Variants in PLCH1 observed in about 807,000 individuals in gnomAD.
PLCH1 encodes the protein 1-phosphatidylinositol 4,5-bisphosphate phosphodiesterase eta-1.
A neutral mutation model predicts 126.7 loss-of-function variants in PLCH1; 60 were observed. That is an observed-to-expected ratio of 0.47 (90% CI 0.38 to 0.59). The LOEUF (loss-of-function observed/expected upper bound fraction) is 0.59. Among genes scored for constraint, PLCH1 ranks in the 20% least tolerant of loss-of-function variants. The probability of loss-of-function intolerance (pLI) is 0.00; values close to 1 mark genes in which losing one functional copy is unlikely to be tolerated. For missense variants in PLCH1, 1,723 were observed against 2,040.0 expected, an observed-to-expected ratio of 0.84 and a Z score of 2.99; for synonymous variants, 719 against 734.9, an observed-to-expected ratio of 0.98 and a Z score of 0.35.
intron 1 of PLCH1, among the ~76,000 whole-genome samples, chr3:155,710,484 C>T (rs1255611881): frequency 6.6e-6 from 1 of 152,018 alleles, no homozygotes; most frequent in African/African-American, 2.4e-5. Flanking sequence ...TGATTCAAAA[C>T]ATAATTGACA....
At chr3:155,639,758 C>A (rs1044358236) in intron 2 of PLCH1, among the ~76,000 whole-genome samples, 3 of 152,090 alleles carry the variant, frequency 2.0e-5, no homozygotes, top group Non-Finnish European at 4.4e-5. Flanking sequence ...CATTTGTGTC[C>A]CTGACTAAAT....
At chr3:155,739,788 C>T (rs909375878) in intron 1 of PLCH1, among the ~76,000 whole-genome samples, 12 of 152,190 alleles carry the variant, frequency 7.9e-5, no homozygotes, top group Admixed American at 5.9e-4. Context: ...AAGAAACTAA[C>T]CTCTCTGAAC....
intron 13 of PLCH1, among the ~76,000 whole-genome samples, chr3:155,501,793 C>T (rs1175598019): frequency 6.6e-6 from 1 of 152,068 alleles, no homozygotes; most frequent in Non-Finnish European, 1.5e-5. Flanking sequence ...AAAACTCCAT[C>T]TCTAAATAAA....
intron 1 of PLCH1, among the ~76,000 whole-genome samples, chr3:155,735,433 A>G (rs903301470): frequency 1.3e-5 from 2 of 152,184 alleles, no homozygotes; most frequent in Non-Finnish European, 2.9e-5. Context: ...CAGGAGTTCG[A>G]GACCAGCCTG....
chr3:155,615,945 T>C (rs1735747022), intron 2 of PLCH1, among the ~76,000 whole-genome samples: 1 of 152,188 alleles, frequency 6.6e-6, no homozygotes. Context: ...TGGTCTAAAT[T>C]AGACAGGTAA....
intron 18 of PLCH1, among the ~76,000 whole-genome samples, chr3:155,491,389 G>C (rs547874379): frequency 8.5e-4 from 129 of 151,970 alleles, no homozygotes; most frequent in African/African-American, 3.1e-3. Context: ...TCAGCCTCCC[G>C]AGTAGCTGGG....
chr3:155,460,934 G>A (rs1031641728), intron 21 of PLCH1, among the ~76,000 whole-genome samples: 3 of 152,142 alleles, frequency 2.0e-5, no homozygotes, highest in African/African-American at 4.8e-5. Context: ...CTTTTTAAGA[G>A]TATACCAGTC....
chr3:155,741,684 C>CTTTTATTTTTTTTTTATTTTTATTTTTTT, intron 1 of PLCH1, among the ~76,000 whole-genome samples: 24 of 102,864 alleles, frequency 2.3e-4, no homozygotes, highest in East Asian at 5.6e-4. Flanking sequence ...TTTATATCCT[C>CTTTTATTTTTTTTTTATTTTTATTTTTTT]TTTTTTTTTT....
chr3:155,740,090 A>G (rs1749507429), intron 1 of PLCH1, among the ~76,000 whole-genome samples: 1 of 152,222 alleles, frequency 6.6e-6, no homozygotes, highest in Admixed American at 6.5e-5. Flanking sequence ...TGATACACAC[A>G]TGCTTATAAA....
intron 2 of PLCH1, chr3:155,675,928 A>T (rs1577302449): frequency 1.2e-6 from 1 of 813,642 alleles, no homozygotes; most frequent in East Asian, 2.8e-5. Context: ...AACATGAAAT[A>T]AAATAAATGT....
chr3:155,686,930 C>T (rs941292576), intron 2 of PLCH1, among the ~76,000 whole-genome samples: 3 of 152,186 alleles, frequency 2.0e-5, no homozygotes, highest in African/African-American at 7.2e-5. Flanking sequence ...AATGTATACT[C>T]TCCTAAAGGT....
intron 1 of PLCH1, among the ~76,000 whole-genome samples, chr3:155,714,375 G>A (rs917990540): frequency 6.6e-6 from 1 of 152,092 alleles, no homozygotes; most frequent in Non-Finnish European, 1.5e-5. Flanking sequence ...CAGGTCCAGA[G>A]GGCTCCCATG....
At chr3:155,472,478 C>A (rs1390112600) in intron 21 of PLCH1, among the ~76,000 whole-genome samples, 1 of 151,682 alleles carries the variant, frequency 6.6e-6, no homozygotes, top group Non-Finnish European at 1.5e-5. Context: ...GATGGATTCA[C>A]AGCCGAATTC....
At chr3:155,554,303 T>G (rs1726528491) in intron 8 of PLCH1, 107 bp from the exon 9 acceptor site, 4 of 1,053,168 alleles carry the variant, frequency 3.8e-6, no homozygotes, top group Admixed American at 2.3e-5. Context: ...ATTATACCCA[T>G]TTCAATCCTG....
intron 10 of PLCH1, among the ~76,000 whole-genome samples, chr3:155,546,911 C>T (rs368665918): frequency 0.012 from 1,616 of 133,960 alleles, 38 homozygotes; most frequent in African/African-American, 0.04. Context: ...AAGACTTAAA[C>T]GTTAGACCTA....
At chr3:155,722,226 T>C (rs56136083) in intron 1 of PLCH1, among the ~76,000 whole-genome samples, 71,199 of 151,316 alleles carry the variant, frequency 0.47, 19,528 homozygotes, top group African/African-American at 0.75. Flanking sequence ...TGCAATGACG[T>C]GATCTCGGCT....
At chr3:155,490,486 C>G (rs1482288457) in intron 19 of PLCH1, among the ~76,000 whole-genome samples, 1 of 152,074 alleles carries the variant, frequency 6.6e-6, no homozygotes, top group Admixed American at 6.6e-5. Flanking sequence ...ATAATGGAGG[C>G]ATTTCCTCAG....
intron 21 of PLCH1, among the ~76,000 whole-genome samples, chr3:155,461,509 T>C (rs1438657277): frequency 6.6e-6 from 1 of 150,936 alleles, no homozygotes; most frequent in Non-Finnish European, 1.5e-5. Context: ...AAGACTCAAG[T>C]AGTCCAGAAG....
At chr3:155,630,196 C>T (rs1367005260) in intron 2 of PLCH1, among the ~76,000 whole-genome samples, 1 of 152,182 alleles carries the variant, frequency 6.6e-6, no homozygotes, top group Non-Finnish European at 1.5e-5. Flanking sequence ...AGATCCCCAA[C>T]TCTTGTTGGT....
Sources: gnomAD v4.1 joint callset for allele counts (sites outside exome capture counted in the v4.1 genomes callset) on GRCh38, gnomAD v4.1.1 for gene constraint, MANE v1.5 for transcripts, NCBI Gene and HGNC (gene_info 2026-07-23, HGNC 2026-07-21) for gene names.